PLCB1: variants seen among roughly 807,000 people sequenced by gnomAD.
The protein encoded by PLCB1 is phospholipase C beta 1.
In PLCB1, 46 loss-of-function variants were observed where a neutral mutation model predicts 161.8. The observed-to-expected ratio is 0.28, with a 90% CI of 0.22 to 0.36. PLCB1 has a LOEUF of 0.36. Ranked by LOEUF, PLCB1 falls within the 10% of genes least tolerant of loss-of-function variation. The pLI, the probability that PLCB1 is intolerant of heterozygous loss-of-function variation, is 1.00. For missense variants in PLCB1, 1,016 were observed against 1,472.5 expected (o/e 0.69, Z 5.07); for synonymous variants, 517 against 503.7 (o/e 1.03, Z -0.35).
At chr20:8,376,030 C>A (rs1052237361) in intron 3 of PLCB1, among the ~76,000 whole-genome samples, 1 of 150,010 alleles carries the variant, frequency 6.7e-6, no homozygotes, top group African/African-American at 2.4e-5. Context: ...TGTCAAGCTT[C>A]TTTATGTGTG....
rs146470527 is a variant in PLCB1 at position 8,252,842 on chromosome 20, A to T, written c.177+102471A>T. ...TCCTGTCATGGCTATAATTAGCATC[A>T]GTTCAATAGGCTTGAGTTAAAATGG... is the stretch of plus-strand genomic sequence containing the variant. On this transcript the variant is annotated intron_variant, in intron 2 of 31. Transcript: ENST00000338037. Among the ~76,000 whole-genome samples the T allele has an allele frequency of 1.9e-3, 288 of 152,094 alleles. 1 individual carries two copies. Among genetic ancestry groups the T allele is most frequent in the Non-Finnish European group, 3.4e-3 (228 of 67,920 alleles).
intron 2 of PLCB1, among the ~76,000 whole-genome samples, chr20:8,212,297 C>G (rs769797274): frequency 5.9e-5 from 9 of 152,078 alleles, no homozygotes; most frequent in Non-Finnish European, 1.3e-4. Context: ...ACTCAATTTC[C>G]TAAGTCTAGA....
intron 3 of PLCB1, among the ~76,000 whole-genome samples, chr20:8,576,323 A>G (rs2123064955): frequency 6.6e-6 from 1 of 152,240 alleles, no homozygotes; most frequent in Non-Finnish European, 1.5e-5. Flanking sequence ...CATTTTTGTT[A>G]TTGATGAAAT....
chr20:8,260,371 C>A (rs1459452978), intron 2 of PLCB1, among the ~76,000 whole-genome samples: 1 of 151,964 alleles, frequency 6.6e-6, no homozygotes, highest in East Asian at 1.9e-4. Flanking sequence ...AGGCATGAAC[C>A]ACTGCACATG....
chr20:8,803,902 T>G (rs940107279), intron 31 of PLCB1, among the ~76,000 whole-genome samples: 1 of 152,068 alleles, frequency 6.6e-6, no homozygotes, highest in Non-Finnish European at 1.5e-5. Context: ...CAAGTGATTC[T>G]CCTGCCTCAG....
At chr20:8,350,014 A>G (rs755256096) in intron 2 of PLCB1, among the ~76,000 whole-genome samples, 85 of 152,378 alleles carry the variant, frequency 5.6e-4, no homozygotes, top group Non-Finnish European at 8.7e-4. Context: ...GCAAGATGCA[A>G]TATCAATGTA....
chr20:8,880,222 T>C lies in PLCB1; in HGVS notation c.3424-1400T>C, dbSNP rs995105884. Among the ~76,000 whole-genome samples the C allele has an allele frequency of 5.9e-5, 9 of 152,266 alleles. No homozygotes were observed. In the East Asian group the frequency reaches 1.7e-3, roughly 29 times the overall value. On this transcript the variant is annotated intron_variant, in intron 31 of 31. Coordinates refer to ENST00000338037, the MANE Select transcript of PLCB1 (RefSeq NM_015192.4). ...AAGGATTATTCTCCCTGCTCACCAA[T>C]TGATAAGCAGAGATAATTTTCTTTA...
intron 2 of PLCB1, among the ~76,000 whole-genome samples, chr20:8,260,892 C>T (rs562599435): frequency 4.6e-5 from 7 of 152,194 alleles, no homozygotes; most frequent in African/African-American, 1.4e-4. Flanking sequence ...GACAGGAGTC[C>T]CCTTTCCCAG....
At chr20:8,791,004 T>G (rs2146223963) in intron 31 of PLCB1, among the ~76,000 whole-genome samples, 1 of 152,308 alleles carries the variant, frequency 6.6e-6, no homozygotes, top group East Asian at 1.9e-4. Context: ...TAAAAAGTAC[T>G]GCCATTCCAC....
intron 3 of PLCB1, among the ~76,000 whole-genome samples, chr20:8,483,917 G>C (rs1479567491): frequency 6.6e-6 from 1 of 152,136 alleles, no homozygotes; most frequent in East Asian, 1.9e-4. Context: ...TTAAGAACAA[G>C]GAAAACAAAA....
At chr20:8,237,340 A>G (rs1980380458) in intron 2 of PLCB1, among the ~76,000 whole-genome samples, 1 of 152,078 alleles carries the variant, frequency 6.6e-6, no homozygotes, top group African/African-American at 2.4e-5. Flanking sequence ...TCTAGTGTCA[A>G]GGGAAATATG....
At chr20:8,803,628 G>T (rs1312994714) in intron 31 of PLCB1, among the ~76,000 whole-genome samples, 1 of 151,894 alleles carries the variant, frequency 6.6e-6, no homozygotes, top group Admixed American at 6.6e-5. Context: ...TCAATTTCTG[G>T]CTTCTACAAG....
chr20:8,417,639 A>C (rs1376012949), intron 3 of PLCB1, among the ~76,000 whole-genome samples: 1 of 152,172 alleles, frequency 6.6e-6, no homozygotes, highest in African/African-American at 2.4e-5. Context: ...CCATGTCATA[A>C]TAAAAGTGCC....
At chr20:8,780,676 C>T (rs1271773263) in intron 27 of PLCB1, among the ~76,000 whole-genome samples, 2 of 152,128 alleles carry the variant, frequency 1.3e-5, no homozygotes, top group Non-Finnish European at 2.9e-5. Context: ...TTTCAGACCG[C>T]AAGCTCTGGG....
At chr20:8,781,138 A>G (rs1247542103) in intron 27 of PLCB1, among the ~76,000 whole-genome samples, 1 of 152,218 alleles carries the variant, frequency 6.6e-6, no homozygotes, top group Non-Finnish European at 1.5e-5. Context: ...TATATGTGCC[A>G]GGAGTAATTG....
At position 8,722,379 on chromosome 20, in the gene PLCB1, C is replaced by T. The variant is rs199565459; in HGVS notation, c.1539C>T (p.Asp513=). 2.0e-5 allele frequency: 33 copies of T among 1,611,128 alleles called. No individual in the cohort carries two copies. The African/African-American group carries it at 2.5e-4, about 12-fold the overall frequency. ...GAGEADTESD[D]DDDDDDCKKS... ...GAGAAGCTGATACGGAAAGTGACGACGACGATGATGATGATGACTGTAAAA... is the reference window on the plus strand; with the variant it reads ...GAGAAGCTGATACGGAAAGTGACGATGACGATGATGATGATGACTGTAAAA... Residue 513 remains aspartate (D), a synonymous_variant, in exon 15 of 32, where the codon GAC becomes GAT. Transcript: ENST00000338037.
At chr20:8,787,258 A>G (rs559593380) in intron 27 of PLCB1, among the ~76,000 whole-genome samples, 104 of 152,288 alleles carry the variant, frequency 6.8e-4, no homozygotes, top group Admixed American at 6.3e-3. Context: ...TCCAAGTTCC[A>G]CCCAGGAAGA....
In PLCB1 at chr20:8,851,386, T is replaced by C. The variant is rs369550895; in HGVS notation, c.3424-30236T>C. 7.2e-5 allele frequency among the ~76,000 whole-genome samples: 11 copies of C among 152,388 alleles called. No homozygotes were observed. In the East Asian group the frequency reaches 1.5e-3, roughly 21 times the overall value. On this transcript the variant is annotated intron_variant, in intron 31 of 31. Coordinates refer to ENST00000338037, the MANE Select transcript of PLCB1 (RefSeq NM_015192.4). Reference sequence around the variant, plus strand: ...AATTTATGATATATGTGTTTGCTTATATAAACTTGCTTCAACAGGCCACAG... The same window carrying C: ...AATTTATGATATATGTGTTTGCTTACATAAACTTGCTTCAACAGGCCACAG...
At chr20:8,382,535 G>A (rs1447289505) in intron 3 of PLCB1, among the ~76,000 whole-genome samples, 5 of 148,892 alleles carry the variant, frequency 3.4e-5, no homozygotes, top group Non-Finnish European at 7.4e-5. Context: ...CACCCATCTT[G>A]GCCTCTCAAA....
Sources: allele counts gnomAD v4.1 joint callset (sites outside exome capture counted in the v4.1 genomes callset), GRCh38; gene constraint gnomAD v4.1.1; transcripts MANE v1.5; gene names NCBI Gene and HGNC (gene_info 2026-07-23, HGNC 2026-07-21).